The following CNTNAP2 variants were observed in gnomAD, a reference collection of about 807,000 sequenced individuals.
The protein encoded by CNTNAP2 is contactin-associated protein-like 2.
A neutral mutation model predicts 155.2 loss-of-function variants in CNTNAP2; 98 were observed. The observed-to-expected ratio is 0.63, with a 90% confidence interval of 0.54 to 0.75. The LOEUF (loss-of-function observed/expected upper bound fraction) is 0.75. Among genes scored for constraint, CNTNAP2 ranks in the 30% least tolerant of loss-of-function variants. The pLI, the probability that CNTNAP2 is intolerant of heterozygous loss-of-function variation, is 0.00. For synonymous variants in CNTNAP2, 651 were observed against 631.2 expected (o/e 1.03, Z -0.47); for missense variants, 1,727 against 1,688.1 (o/e 1.02, Z -0.40).
intron 14 of CNTNAP2, among the ~76,000 whole-genome samples, chr7:147,971,438 A>T (rs28695668): frequency 1.3e-5 from 2 of 152,030 alleles, no homozygotes; most frequent in Admixed American, 1.3e-4. Context: ...CATTATCCCT[A>T]TACGATTCCC....
chr7:147,169,652 AAGGGAGGG>A (rs934198166), intron 8 of CNTNAP2, among the ~76,000 whole-genome samples: 8 of 142,654 alleles, frequency 5.6e-5, no homozygotes, highest in African/African-American at 1.8e-4. Flanking sequence ...GGAAAGAAGG[AAGGGAGGG>A]AGGGAGGGAG....
chr7:147,392,770 G>T (rs1796742617), intron 9 of CNTNAP2, among the ~76,000 whole-genome samples: 1 of 151,950 alleles, frequency 6.6e-6, no homozygotes, highest in Admixed American at 6.6e-5. Context: ...ATTCACAATT[G>T]CAAAAATGTG....
intron 15 of CNTNAP2, among the ~76,000 whole-genome samples, chr7:148,068,211 T>C (rs1585108346): frequency 1.3e-5 from 2 of 152,028 alleles, no homozygotes; most frequent in East Asian, 3.9e-4. Context: ...TCATATTTGG[T>C]CAAAATTATT....
At chr7:146,151,136 A>G (rs1798030524) in intron 1 of CNTNAP2, among the ~76,000 whole-genome samples, 1 of 152,024 alleles carries the variant, frequency 6.6e-6, no homozygotes, top group African/African-American at 2.4e-5. Context: ...CATGGAGGAA[A>G]CCACCCCCAT....
At chr7:148,087,104 C>T (rs988334966) in intron 15 of CNTNAP2, among the ~76,000 whole-genome samples, 3 of 152,160 alleles carry the variant, frequency 2.0e-5, no homozygotes, top group African/African-American at 7.2e-5. Context: ...CTCCTCAGAA[C>T]ACGTGCCCGA....
intron 1 of CNTNAP2, among the ~76,000 whole-genome samples, chr7:146,533,466 T>C (rs1306430192): frequency 6.6e-6 from 1 of 152,182 alleles, no homozygotes; most frequent in Non-Finnish European, 1.5e-5. Context: ...CATTAGTCAA[T>C]ATGTCCACTT....
At chr7:148,033,723 TA>T (rs1318871954) in intron 15 of CNTNAP2, among the ~76,000 whole-genome samples, 17 of 152,220 alleles carry the variant, frequency 1.1e-4, no homozygotes, top group Admixed American at 5.9e-4. Flanking sequence ...AATTTCTCCA[TA>T]AATTATGTTA....
intron 15 of CNTNAP2, among the ~76,000 whole-genome samples, chr7:148,067,708 G>A (rs528147046): frequency 7.2e-5 from 11 of 152,292 alleles, no homozygotes; most frequent in South Asian, 4.1e-4. Flanking sequence ...GGACCATAGC[G>A]CTCCCAAGAG....
chr7:148,125,260 C>T (rs1220214052), intron 16 of CNTNAP2, among the ~76,000 whole-genome samples: 1 of 152,062 alleles, frequency 6.6e-6, no homozygotes. Flanking sequence ...CTCTCCCTCT[C>T]TCTCTGTCTC....
chr7:147,051,431 A>G (rs141645084), intron 4 of CNTNAP2, among the ~76,000 whole-genome samples: 59 of 152,052 alleles, frequency 3.9e-4, no homozygotes, highest in African/African-American at 1.4e-3. Flanking sequence ...TCTGCCCTCA[A>G]GGAGATGAAT....
chr7:147,238,087 T>C (rs1183790917), intron 8 of CNTNAP2, among the ~76,000 whole-genome samples: 1 of 152,190 alleles, frequency 6.6e-6, no homozygotes, highest in Non-Finnish European at 1.5e-5. Context: ...CGATCTCGGC[T>C]CACTACAAGC....
intron 1 of CNTNAP2, among the ~76,000 whole-genome samples, chr7:146,600,524 G>A (rs778272643): frequency 4.8e-4 from 73 of 152,092 alleles, no homozygotes; most frequent in Non-Finnish European, 8.2e-4. Context: ...TAAAAGGTGA[G>A]GTGGAAAGAG....
At chr7:146,668,449 T>TGG in intron 1 of CNTNAP2, among the ~76,000 whole-genome samples, 1 of 150,810 alleles carries the variant, frequency 6.6e-6, no homozygotes, top group South Asian at 2.1e-4. Flanking sequence ...TGTGTGTGTG[T>TGG]GTGTGTGTGT....
At chr7:147,258,794 C>T (rs545709880) in intron 8 of CNTNAP2, among the ~76,000 whole-genome samples, 2 of 152,164 alleles carry the variant, frequency 1.3e-5, no homozygotes, top group Admixed American at 6.5e-5. Flanking sequence ...ACGTCTAGTG[C>T]TCTAGACTAA....
chr7:147,628,179 A>G (rs1010234702), intron 12 of CNTNAP2, among the ~76,000 whole-genome samples: 6 of 152,202 alleles, frequency 3.9e-5, no homozygotes, highest in African/African-American at 9.6e-5. Context: ...GCACATAGTC[A>G]TTAGGTTATC....
chr7:146,591,407 G>GGATCT (rs369781520), intron 1 of CNTNAP2, among the ~76,000 whole-genome samples: 4 of 151,678 alleles, frequency 2.6e-5, no homozygotes, highest in Non-Finnish European at 5.9e-5. Context: ...TGGTAAATGT[G>GGATCT]GAATAATAAT....
At chr7:146,557,485 G>A (rs1798214634) in intron 1 of CNTNAP2, among the ~76,000 whole-genome samples, 1 of 152,018 alleles carries the variant, frequency 6.6e-6, no homozygotes, top group African/African-American at 2.4e-5. Flanking sequence ...AGAGTATACA[G>A]TTAAGTGCAT....
intron 1 of CNTNAP2, among the ~76,000 whole-genome samples, chr7:146,260,321 C>T (rs1019738762): frequency 1.3e-5 from 2 of 152,218 alleles, no homozygotes; most frequent in Admixed American, 6.5e-5. Context: ...CACAGAGTCC[C>T]CACCTGGGGC....
At chr7:147,511,386 T>A (rs1013229757) in intron 11 of CNTNAP2, among the ~76,000 whole-genome samples, 1 of 152,140 alleles carries the variant, frequency 6.6e-6, no homozygotes, top group African/African-American at 2.4e-5. Flanking sequence ...TCTTCATTTC[T>A]TTAAACAAGT....
Sources: gnomAD v4.1 joint callset for allele counts (sites outside exome capture counted in the v4.1 genomes callset) on GRCh38, gnomAD v4.1.1 for gene constraint, MANE v1.5 for transcripts, NCBI Gene and HGNC (gene_info 2026-07-23, HGNC 2026-07-21) for gene names.